The following CTNNA3 variants were observed in gnomAD, a reference collection of about 807,000 sequenced individuals.
The protein encoded by CTNNA3 is catenin alpha-3.
Under a neutral mutation model 95.7 loss-of-function variants are expected in CTNNA3, and 76 were observed. The ratio of observed to expected loss-of-function variants is 0.79; its 90% CI spans 0.66 to 0.96. The LOEUF is 0.96. CTNNA3 is among the 40% of genes least tolerant of loss of function. The pLI is 0.00. For synonymous variants in CTNNA3, 431 were observed against 374.4 expected (o/e 1.15, Z -1.74); for missense variants, 1,191 against 1,089.8 (o/e 1.09, Z -1.31).
At chr10:67,696,658 A>G (rs1254331868), upstream of CTNNA3, among the ~76,000 whole-genome samples, 1 of 152,178 alleles carries the variant, frequency 6.6e-6, no homozygotes, top group Non-Finnish European at 1.5e-5. Context: ...AAAGAATCTA[A>G]ACTGAAGATT....
rs371133842 is a variant in CTNNA3 at position 66,862,265 on chromosome 10, T to C, written c.1048-86741A>G. Among the ~76,000 whole-genome samples the C allele has an allele frequency of 2.6e-5, 4 of 152,252 alleles. No individual in the cohort carries two copies. The East Asian group carries it at 7.7e-4, about 29-fold the overall frequency. The stretch of plus-strand genomic sequence containing the variant: ...GGTGATGTTTTTGTGACCAGAAATA[T>C]GCTTAAAATCTTAACTCCTGTTTAT... On this transcript the variant is annotated intron_variant, in intron 7 of 17. Coordinates refer to ENST00000433211, the MANE Select transcript of CTNNA3 (RefSeq NM_013266.4).
intron 11 of CTNNA3, among the ~76,000 whole-genome samples, chr10:66,483,721 G>C (rs1247789376): frequency 6.6e-6 from 1 of 152,044 alleles, no homozygotes; most frequent in African/African-American, 2.4e-5. Context: ...ATATGTTATA[G>C]ATCAGGAATA....
At chr10:66,867,634 G>A (rs11818097) in intron 7 of CTNNA3, among the ~76,000 whole-genome samples, 22,200 of 152,040 alleles carry the variant, frequency 0.15, 2,099 homozygotes, top group African/African-American at 0.26. Context: ...TCTTCTAGCC[G>A]AGACTGAAAT....
At chr10:66,794,869 G>A (rs910167469) in intron 7 of CTNNA3, among the ~76,000 whole-genome samples, 10 of 100,042 alleles carry the variant, frequency 1.0e-4, no homozygotes, top group Non-Finnish European at 1.7e-4. Flanking sequence ...ACCAGGACTC[G>A]ATTGCATCTC....
At chr10:67,136,693 G>A (rs961037969) in intron 7 of CTNNA3, among the ~76,000 whole-genome samples, 1 of 152,014 alleles carries the variant, frequency 6.6e-6, no homozygotes, top group African/African-American at 2.4e-5. Flanking sequence ...TCAATTTGAA[G>A]GTAACATAAG....
chr10:66,530,151 T>C (rs1391017885), intron 10 of CTNNA3, among the ~76,000 whole-genome samples: 1 of 152,200 alleles, frequency 6.6e-6, no homozygotes, highest in East Asian at 1.9e-4. Context: ...AAATTTTACT[T>C]AATATAACAA....
At chr10:66,639,440 G>T (rs900085230) in intron 9 of CTNNA3, among the ~76,000 whole-genome samples, 1 of 152,122 alleles carries the variant, frequency 6.6e-6, no homozygotes, top group Non-Finnish European at 1.5e-5. Context: ...GAAAAAAGGA[G>T]AAATGGCAGT....
chr10:66,546,480 A>G (rs1255776623), intron 10 of CTNNA3, among the ~76,000 whole-genome samples: 1 of 152,160 alleles, frequency 6.6e-6, no homozygotes, highest in Non-Finnish European at 1.5e-5. Context: ...TACTGGTATA[A>G]ATAACTGCCC....
chr10:67,492,911 T>C (rs1182212611), intron 5 of CTNNA3, among the ~76,000 whole-genome samples: 3 of 152,236 alleles, frequency 2.0e-5, no homozygotes, highest in South Asian at 2.1e-4. Flanking sequence ...CTGGCTCATA[T>C]TGAAATAAGA....
At chr10:66,881,743 A>G (rs188697921) in intron 7 of CTNNA3, among the ~76,000 whole-genome samples, 20 of 152,218 alleles carry the variant, frequency 1.3e-4, no homozygotes, top group Non-Finnish European at 2.8e-4. Context: ...GGATTAAAAG[A>G]GCAATCTGTG....
intron 12 of CTNNA3, among the ~76,000 whole-genome samples, chr10:66,367,880 A>T (rs3935849): frequency 0.013 from 628 of 47,010 alleles, 5 homozygotes; most frequent in African/African-American, 0.046. Flanking sequence ...TAATAATAAT[A>T]ATTATTATTA....
intron 7 of CTNNA3, among the ~76,000 whole-genome samples, chr10:66,992,449 T>C (rs1851092382): frequency 6.6e-6 from 1 of 152,056 alleles, no homozygotes; most frequent in South Asian, 2.1e-4. Context: ...TCCTAGGAGT[T>C]CTTAGTATTA....
At chr10:66,183,272 C>T (rs1439364949) in intron 13 of CTNNA3, among the ~76,000 whole-genome samples, 1 of 152,166 alleles carries the variant, frequency 6.6e-6, no homozygotes, top group South Asian at 2.1e-4. Flanking sequence ...CACACCATGC[C>T]CATGTGTTCC....
At chr10:66,859,638 C>T (rs1843826535) in intron 7 of CTNNA3, among the ~76,000 whole-genome samples, 3 of 146,028 alleles carry the variant, frequency 2.1e-5, no homozygotes, top group Middle Eastern at 3.5e-3. Flanking sequence ...ACTGGAAATA[C>T]CATGTGACCC....
intron 15 of CTNNA3, among the ~76,000 whole-genome samples, chr10:66,054,583 A>G (rs1341486175): frequency 6.6e-6 from 1 of 152,006 alleles, no homozygotes. Flanking sequence ...TTCTTTTCCT[A>G]TTGAGTTGTT....
chr10:66,192,109 A>T (rs72795383), intron 13 of CTNNA3, among the ~76,000 whole-genome samples: 21,485 of 152,116 alleles, frequency 0.14, 2,496 homozygotes, highest in African/African-American at 0.32. Flanking sequence ...TATAAATTAC[A>T]GTCTTTGGTA....
intron 11 of CTNNA3, among the ~76,000 whole-genome samples, chr10:66,517,889 T>A (rs1840920676): frequency 6.6e-6 from 1 of 152,122 alleles, no homozygotes; most frequent in African/African-American, 2.4e-5. Flanking sequence ...TAATGTGCGT[T>A]TTCTGTACAG....
At chr10:67,098,634 G>A (rs1038620458) in intron 7 of CTNNA3, 2 of 152,222 alleles carry the variant, frequency 1.3e-5, no homozygotes, top group African/African-American at 4.8e-5. Flanking sequence ...AAGGGTTGGG[G>A]GAAAGCATGG....
intron 5 of CTNNA3, among the ~76,000 whole-genome samples, chr10:67,309,334 G>A (rs762378013): frequency 6.6e-6 from 1 of 152,164 alleles, no homozygotes; most frequent in Non-Finnish European, 1.5e-5. Context: ...TCTTACAGCA[G>A]CATCTCCTGG....
Sources: allele counts gnomAD v4.1 joint callset (sites outside exome capture counted in the v4.1 genomes callset), GRCh38; gene constraint gnomAD v4.1.1; transcripts MANE v1.5; gene names NCBI Gene and HGNC (gene_info 2026-07-23, HGNC 2026-07-21).